Variants in CAMTA1 observed in about 807,000 individuals in gnomAD.
The protein encoded by CAMTA1 is calmodulin-binding transcription activator 1.
In CAMTA1, 27 loss-of-function variants were observed where a neutral mutation model predicts 170.9. The observed-to-expected ratio is 0.16, with a 90% confidence interval of 0.12 to 0.22. The LOEUF is 0.22. CAMTA1 is among the 10% of genes least tolerant of loss of function. CAMTA1 has a pLI of 1.00. For missense variants in CAMTA1, 1,619 were observed against 2,217.2 expected (o/e 0.73, Z 5.42); for synonymous variants, 833 against 891.5 (o/e 0.93, Z 1.17).
chr1:7,649,845 T>G (rs920024968), intron 7 of CAMTA1, among the ~76,000 whole-genome samples: 10 of 152,218 alleles, frequency 6.6e-5, no homozygotes, highest in Non-Finnish European at 5.9e-5. Context: ...CTGACTGCTA[T>G]GCAGAGCTGA....
Position 7,065,285 on chromosome 1 carries a change from A to G in CAMTA1, c.235-26019A>G, listed in dbSNP as rs1157723717. On this transcript the variant is annotated intron_variant, in intron 3 of 22. Transcript: ENST00000303635. This position sits in a 1 kb window ranked among gnomAD's most constrained non-coding sequence, Gnocchi z 5.2. ...AGGAGAAGGGGGAACCAGTTGTTGCAGGAAGATGGACAGCCCATGAGGTTT... is the reference window on the plus strand; with the variant it reads ...AGGAGAAGGGGGAACCAGTTGTTGCGGGAAGATGGACAGCCCATGAGGTTT... 2.0e-5 allele frequency among the ~76,000 whole-genome samples: 3 copies of G among 152,196 alleles called. No homozygotes were observed. The highest frequency in any genetic ancestry group is 7.2e-5 in the African/African-American group (3 of 41,444).
Position 7,506,606 on chromosome 1 carries a change from TCA to T in CAMTA1, c.510+38709_510+38710del, listed in dbSNP as rs972469216. ...ACACTCACACGCTCACACTCAAAAG[TCA>T]CACTCTCATACTAATGTTCAACATT... On this transcript the variant is annotated intron_variant, in intron 6 of 22. Transcript: ENST00000303635. 6.0e-5 allele frequency among the ~76,000 whole-genome samples: 9 copies of T among 151,000 alleles called. No individual in the cohort carries two copies. The East Asian group carries it at 1.6e-3, about 27-fold the overall frequency.
chr1:6,966,611 C>CT (rs70984045), intron 3 of CAMTA1, among the ~76,000 whole-genome samples: 1,660 of 128,156 alleles, frequency 0.013, 58 homozygotes, highest in African/African-American at 0.046. Context: ...CTTTTGAAAC[C>CT]TTTTTTTTTT....
At chr1:7,516,112 C>G (rs2094282241) in intron 6 of CAMTA1, among the ~76,000 whole-genome samples, 1 of 152,230 alleles carries the variant, frequency 6.6e-6, no homozygotes, top group South Asian at 2.1e-4. Flanking sequence ...AGCCTCCCAG[C>G]CGGCTGGGGA....
chr1:7,013,731 C>T (rs1174176837), intron 3 of CAMTA1, among the ~76,000 whole-genome samples: 7 of 152,198 alleles, frequency 4.6e-5, no homozygotes, highest in Non-Finnish European at 1.0e-4. Flanking sequence ...CCTCTGTGAT[C>T]TGCTGGTTCT....
intron 3 of CAMTA1, among the ~76,000 whole-genome samples, chr1:6,917,796 G>A (rs984957635): frequency 2.8e-5 from 4 of 144,992 alleles, no homozygotes; most frequent in African/African-American, 1.0e-4. Flanking sequence ...GGGGGAGGGG[G>A]CCCCGAGAAA....
At chr1:7,505,302 C>T (rs896779734) in intron 6 of CAMTA1, among the ~76,000 whole-genome samples, 1 of 152,226 alleles carries the variant, frequency 6.6e-6, no homozygotes, top group Non-Finnish European at 1.5e-5. Context: ...GTCGAGGCTC[C>T]CTCTGGCTTC....
At chr1:7,089,931 C>G (rs1487907823) in intron 3 of CAMTA1, among the ~76,000 whole-genome samples, 2 of 152,210 alleles carry the variant, frequency 1.3e-5, no homozygotes, top group Non-Finnish European at 2.9e-5. Flanking sequence ...GATGAGAGAA[C>G]AATGTGCTGG....
chr1:7,626,443 G>C (rs998323884), intron 6 of CAMTA1, among the ~76,000 whole-genome samples: 1 of 152,138 alleles, frequency 6.6e-6, no homozygotes, highest in Non-Finnish European at 1.5e-5. Flanking sequence ...CTACCACCAG[G>C]AAGACACTAA....
At chr1:7,473,041 G>A (rs1206201209) in intron 6 of CAMTA1, among the ~76,000 whole-genome samples, 2 of 152,208 alleles carry the variant, frequency 1.3e-5, no homozygotes, top group Non-Finnish European at 2.9e-5. Flanking sequence ...AAGGCCTGGG[G>A]CTCTGAAACC....
intron 6 of CAMTA1, among the ~76,000 whole-genome samples, chr1:7,477,172 G>A (rs1348451290): frequency 6.6e-6 from 1 of 152,176 alleles, no homozygotes; most frequent in East Asian, 1.9e-4. Flanking sequence ...AGAAGCTGCG[G>A]GCCAGGGATA....
chr1:7,662,517 A>T (rs763176741), intron 8 of CAMTA1, among the ~76,000 whole-genome samples: 1 of 152,132 alleles, frequency 6.6e-6, no homozygotes, highest in Non-Finnish European at 1.5e-5. Context: ...TTTCATCAAA[A>T]GTAAAGTGAC....
intron 11 of CAMTA1, among the ~76,000 whole-genome samples, chr1:7,678,973 G>A (rs1401633270): frequency 6.6e-6 from 1 of 152,240 alleles, no homozygotes; most frequent in Non-Finnish European, 1.5e-5. Context: ...CCAGCCGAGA[G>A]AGAGGGTGCC....
At chr1:6,893,928 T>A (rs1051687842) in intron 3 of CAMTA1, among the ~76,000 whole-genome samples, 2 of 152,240 alleles carry the variant, frequency 1.3e-5, no homozygotes, top group East Asian at 3.8e-4. Context: ...CTCCAATGAT[T>A]AGTGTCTTTC....
rs148604815 is a variant in CAMTA1, at chr1:6,972,730, T to G, written c.235-118574T>G. 8.5e-5 allele frequency among the ~76,000 whole-genome samples: 13 copies of G among 152,250 alleles called. No homozygotes were observed. In the East Asian group the frequency reaches 2.3e-3, roughly 27 times the overall value. The stretch of plus-strand genomic sequence containing the variant: ...GAGTGTGGAGTCAGTGTAGACGTCT[T>G]TCTGTCTCCAAACACAGCCTGAACC... On this transcript the variant is annotated intron_variant, in intron 3 of 22. Transcript: ENST00000303635.
rs1638865161 is a variant in CAMTA1, at chr1:6,785,476, C to T, written c.-55C>T. 9.9e-7 allele frequency: 1 copy of T among 1,005,258 alleles called. No homozygotes were observed. The highest frequency in any genetic ancestry group is 1.2e-6 in the Non-Finnish European group (1 of 836,924). The allele number at this position is 1,005,258 out of a possible 1,614,324, so 62.3% of individuals were successfully genotyped here. A position where few individuals can be genotyped will look rare whatever the true frequency, so the allele number is the denominator to read the frequency against. ...GGCGGCGGCGGGGTGGCTGGGCCGG[C>T]GGCGGCGGCGGTACGAGGCGCGCGC... is the stretch of plus-strand genomic sequence containing the variant. On this transcript the variant is annotated 5_prime_UTR_variant, in exon 1 of 23. Coordinates refer to ENST00000303635, the MANE Select transcript of CAMTA1 (RefSeq NM_015215.4).
chr1:7,602,168 T>G (rs2095452371), intron 6 of CAMTA1, among the ~76,000 whole-genome samples: 1 of 120,954 alleles, frequency 8.3e-6, no homozygotes, highest in South Asian at 3.1e-4. Flanking sequence ...CCCTCCTCCC[T>G]TCCCTTCCCC....
chr1:7,489,182 G>C (rs959613511), intron 6 of CAMTA1, among the ~76,000 whole-genome samples: 4 of 151,050 alleles, frequency 2.6e-5, no homozygotes, highest in Non-Finnish European at 4.4e-5. Context: ...GCCTGGGAAG[G>C]GGGGCCATGA....
chr1:7,262,337 G>A (rs1294570066), intron 5 of CAMTA1, among the ~76,000 whole-genome samples: 2 of 151,954 alleles, frequency 1.3e-5, no homozygotes, highest in South Asian at 2.1e-4. Context: ...CGAGGCGGGC[G>A]GATCACCTGA....
Sources: gnomAD v4.1 joint callset for allele counts (sites outside exome capture counted in the v4.1 genomes callset) on GRCh38, gnomAD v4.1.1 for gene constraint, Gnocchi (gnomAD v3.1) non-coding constraint, MANE v1.5 for transcripts, NCBI Gene and HGNC (gene_info 2026-07-23, HGNC 2026-07-21) for gene names.